GALNTL6: variants seen among roughly 807,000 people sequenced by gnomAD.
GALNTL6 encodes the protein polypeptide N-acetylgalactosaminyltransferase-like 6.
A neutral mutation model predicts 73.7 loss-of-function variants in GALNTL6; 46 were observed. The ratio of observed to expected loss-of-function variants is 0.62; its 90% confidence interval spans 0.49 to 0.80. GALNTL6 has a LOEUF of 0.80. Ranked by LOEUF, GALNTL6 falls within the 30% of genes least tolerant of loss-of-function variation. The pLI is 0.00. For missense variants in GALNTL6, 604 were observed against 755.0 expected (o/e 0.80, Z 2.34); for synonymous variants, 259 against 263.7 (o/e 0.98, Z 0.17).
At chr4:172,225,625 C>T (rs1288327868) in intron 2 of GALNTL6, among the ~76,000 whole-genome samples, 1 of 151,954 alleles carries the variant, frequency 6.6e-6, no homozygotes, top group Non-Finnish European at 1.5e-5. Flanking sequence ...TGCGATGGCT[C>T]ACGCCTGTAG....
At chr4:172,740,411 G>T (rs1019275754) in intron 5 of GALNTL6, among the ~76,000 whole-genome samples, 2 of 152,126 alleles carry the variant, frequency 1.3e-5, no homozygotes, top group Non-Finnish European at 2.9e-5. Context: ...TCATCGTGTT[G>T]TTCACAGTCT....
At chr4:172,860,861 A>G (rs909776405) in intron 7 of GALNTL6, among the ~76,000 whole-genome samples, 1 of 152,192 alleles carries the variant, frequency 6.6e-6, no homozygotes, top group Admixed American at 6.5e-5. Flanking sequence ...CACAATAATT[A>G]CTTATCAACT....
chr4:172,344,753 C>T (rs1003542666), intron 4 of GALNTL6, among the ~76,000 whole-genome samples: 1 of 152,184 alleles, frequency 6.6e-6, no homozygotes, highest in Non-Finnish European at 1.5e-5. Flanking sequence ...CCTTCAGGCT[C>T]TCAATGTCTG....
chr4:172,126,215 A>AGT (rs1733289725), intron 2 of GALNTL6, among the ~76,000 whole-genome samples: 1 of 152,202 alleles, frequency 6.6e-6, no homozygotes, highest in African/African-American at 2.4e-5. Context: ...GAAGTCAATA[A>AGT]CAAATGTATG....
chr4:172,861,274 A>G (rs1007670007), intron 7 of GALNTL6, among the ~76,000 whole-genome samples: 6 of 151,478 alleles, frequency 4.0e-5, no homozygotes, highest in Admixed American at 4.0e-4. Context: ...GTTTCTGGAA[A>G]AACTTTGCTG....
chr4:172,888,936 T>G (rs931250945), intron 8 of GALNTL6, among the ~76,000 whole-genome samples: 1 of 152,220 alleles, frequency 6.6e-6, no homozygotes, highest in African/African-American at 2.4e-5. Flanking sequence ...ATGATTTCTT[T>G]CATCAGTGTT....
intron 5 of GALNTL6, among the ~76,000 whole-genome samples, chr4:172,593,960 A>G (rs2111006531): frequency 6.6e-6 from 1 of 152,276 alleles, no homozygotes; most frequent in Admixed American, 6.5e-5. Context: ...ATTCCAGCTT[A>G]AGCAAGTATC....
chr4:172,323,124 A>G (rs1007952308), intron 4 of GALNTL6, among the ~76,000 whole-genome samples: 1 of 152,208 alleles, frequency 6.6e-6, no homozygotes, highest in Non-Finnish European at 1.5e-5. Flanking sequence ...ATCATAATAC[A>G]TAACATTTTA....
intron 5 of GALNTL6, among the ~76,000 whole-genome samples, chr4:172,469,207 C>A (rs923991169): frequency 2.0e-5 from 3 of 152,044 alleles, no homozygotes; most frequent in African/African-American, 7.2e-5. Flanking sequence ...AACAGAAGGT[C>A]TCTATTGGGA....
intron 7 of GALNTL6, among the ~76,000 whole-genome samples, chr4:172,873,807 G>C (rs138702078): frequency 6.6e-6 from 1 of 152,046 alleles, no homozygotes; most frequent in Admixed American, 6.5e-5. Flanking sequence ...GGGTGTAAAC[G>C]TACAGTATAA....
chr4:172,762,613 C>T lies in GALNTL6; in HGVS notation c.554-46748C>T, dbSNP rs1376884797. 3.3e-5 allele frequency among the ~76,000 whole-genome samples: 5 copies of T among 152,028 alleles called. No individual in the cohort carries two copies. The South Asian group carries it at 8.3e-4, about 25-fold the overall frequency. ...ATTTAAATTATAGAATTTTCTTTAA[C>T]ATGATATTCTGATTTTATCTTGTGA... On this transcript the variant is annotated intron_variant, in intron 5 of 12. Coordinates refer to ENST00000506823, the MANE Select transcript of GALNTL6 (RefSeq NM_001034845.3).
intron 2 of GALNTL6, among the ~76,000 whole-genome samples, chr4:172,043,732 C>T (rs1742148775): frequency 1.3e-5 from 2 of 151,952 alleles, no homozygotes; most frequent in African/African-American, 4.8e-5. Context: ...GTGTTCTCTA[C>T]CTACTCTTTG....
intron 5 of GALNTL6, among the ~76,000 whole-genome samples, chr4:172,715,432 A>G (rs1377509680): frequency 6.6e-6 from 1 of 152,232 alleles, no homozygotes; most frequent in Non-Finnish European, 1.5e-5. Context: ...TGCAAACAGC[A>G]GGCAGAGATA....
Position 172,254,142 on chromosome 4 carries a change from C to T in GALNTL6, c.247+24378C>T, listed in dbSNP as rs556401020. On this transcript the variant is annotated intron_variant, in intron 3 of 12. Transcript: ENST00000506823. ...ATCAACATTCTGCTAAAAACGGCTACTGTTAATTTACATAGGATCATAGCT... is the reference window on the plus strand; with the variant it reads ...ATCAACATTCTGCTAAAAACGGCTATTGTTAATTTACATAGGATCATAGCT... 3.3e-5 allele frequency among the ~76,000 whole-genome samples: 5 copies of T among 151,866 alleles called. No individual in the cohort carries two copies. The South Asian group carries it at 1.0e-3, about 31-fold the overall frequency.
At chr4:172,454,292 G>A (rs575445184) in intron 5 of GALNTL6, among the ~76,000 whole-genome samples, 1 of 152,284 alleles carries the variant, frequency 6.6e-6, no homozygotes, top group Admixed American at 6.5e-5. Flanking sequence ...ACATAATTGA[G>A]TCAAAAAATA....
At chr4:172,240,292 C>T (rs1371626698) in intron 3 of GALNTL6, among the ~76,000 whole-genome samples, 2 of 152,032 alleles carry the variant, frequency 1.3e-5, no homozygotes, top group African/African-American at 2.4e-5. Flanking sequence ...GGCACGATCT[C>T]GGCTCACTGC....
chr4:172,447,860 C>T (rs6839288), intron 5 of GALNTL6, among the ~76,000 whole-genome samples: 2,400 of 152,150 alleles, frequency 0.016, 61 homozygotes, highest in African/African-American at 0.052. Flanking sequence ...GAATGCATTT[C>T]ATTTATATTA....
intron 5 of GALNTL6, among the ~76,000 whole-genome samples, chr4:172,367,651 G>A (rs1014199991): frequency 3.3e-5 from 5 of 152,112 alleles, no homozygotes; most frequent in African/African-American, 1.2e-4. Context: ...GAATATCTCA[G>A]TTCTGTCATC....
chr4:172,071,763 G>A lies in GALNTL6; in HGVS notation c.139-157893G>A, dbSNP rs568226338. On this transcript the variant is annotated intron_variant, in intron 2 of 12. Transcript: ENST00000506823. ...TTTGGCAGAGACTCAAATGCAGGCG[G>A]AAGAGTGGGAAAGCTTTATTATGGA... Among the ~76,000 whole-genome samples the A allele has an allele frequency of 2.7e-3, 111 of 41,380 alleles. 30 individuals are homozygous for A. The highest frequency in any genetic ancestry group is 8.6e-3 in the African/African-American group (95 of 11,038). The allele number at this position is 41,380 out of a possible 152,430, so 27.1% of individuals were successfully genotyped here.
Sources: gnomAD v4.1 joint callset for allele counts (sites outside exome capture counted in the v4.1 genomes callset) on GRCh38, gnomAD v4.1.1 for gene constraint, MANE v1.5 for transcripts, NCBI Gene and HGNC (gene_info 2026-07-23, HGNC 2026-07-21) for gene names.